POFUT3: variants seen among roughly 807,000 people sequenced by gnomAD.
The protein encoded by POFUT3 is GDP-fucose protein O-fucosyltransferase 3.
the POFUT3 span, among the ~76,000 whole-genome samples, chr8:33,374,877 T>TC: frequency 1.4e-5 from 2 of 139,872 alleles, no homozygotes; most frequent in African/African-American, 5.1e-5. Context: ...TCTTTTCTTT[T>TC]CTTTTTTTTT....
the POFUT3 span, among the ~76,000 whole-genome samples, chr8:33,320,794 AG>A: frequency 6.6e-6 from 1 of 152,106 alleles, no homozygotes; most frequent in African/African-American, 2.4e-5. Flanking sequence ...GAGTTACAAG[AG>A]GTAGAGTCAG....
the POFUT3 span, among the ~76,000 whole-genome samples, chr8:33,388,644 T>C: frequency 6.6e-6 from 1 of 152,130 alleles, no homozygotes; most frequent in Non-Finnish European, 1.5e-5. Context: ...GCAAGAACTC[T>C]TAATTTTTTA....
At chr8:33,388,671 C>T in the POFUT3 span, among the ~76,000 whole-genome samples, 1 of 152,024 alleles carries the variant, frequency 6.6e-6, no homozygotes, top group Non-Finnish European at 1.5e-5. Context: ...GGACTCTTCC[C>T]CTTTTCTGCA....
At chr8:33,338,725 G>T in the POFUT3 span, 1 of 152,014 alleles carries the variant, frequency 6.6e-6, no homozygotes, top group African/African-American at 2.4e-5. Flanking sequence ...TCCCTCCTCG[G>T]GTGTCATCAA....
At chr8:33,345,482 C>A in the POFUT3 span, among the ~76,000 whole-genome samples, 2 of 149,962 alleles carry the variant, frequency 1.3e-5, no homozygotes, top group African/African-American at 4.9e-5. Flanking sequence ...CTTATTGCAA[C>A]CTCCACCTCC....
At chr8:33,374,440 G>T in the POFUT3 span, among the ~76,000 whole-genome samples, 2 of 152,106 alleles carry the variant, frequency 1.3e-5, no homozygotes, top group African/African-American at 2.4e-5. Flanking sequence ...ATAAGAAAAA[G>T]CTTGAGCAAC....
chr8:33,336,039 A>G, the POFUT3 span, among the ~76,000 whole-genome samples: 33 of 152,336 alleles, frequency 2.2e-4, no homozygotes, highest in African/African-American at 6.7e-4. Context: ...TTCAAAGGTC[A>G]ACTGTCGTGT....
chr8:33,374,298 G>T, the POFUT3 span, among the ~76,000 whole-genome samples: 1 of 152,170 alleles, frequency 6.6e-6, no homozygotes, highest in Admixed American at 6.5e-5. Flanking sequence ...GATGCAATGA[G>T]AACACGTTTA....
the POFUT3 span, among the ~76,000 whole-genome samples, chr8:33,414,618 C>A: frequency 6.6e-6 from 1 of 152,006 alleles, no homozygotes. Flanking sequence ...GTCTGTTGTC[C>A]ATCATTCAAC....
the POFUT3 span, among the ~76,000 whole-genome samples, chr8:33,441,334 A>G: frequency 3.3e-5 from 5 of 151,372 alleles, no homozygotes; most frequent in South Asian, 1.0e-3. Flanking sequence ...CCATCTCAAA[A>G]AAAAAAAAAT....
chr8:33,439,017 A>G, the POFUT3 span, among the ~76,000 whole-genome samples: 4 of 152,228 alleles, frequency 2.6e-5, no homozygotes, highest in Non-Finnish European at 1.5e-5. Flanking sequence ...AATACATAGT[A>G]TCTATCTTCA....
At chr8:33,335,149 A>ATG in the POFUT3 span, among the ~76,000 whole-genome samples, 7 of 110,734 alleles carry the variant, frequency 6.3e-5, no homozygotes, top group East Asian at 1.1e-3. Context: ...AAAAAGAAAT[A>ATG]TATGTGTGTG....
At chr8:33,372,716 G>A in the POFUT3 span, 34 of 1,613,936 alleles carry the variant, frequency 2.1e-5, no homozygotes, top group Non-Finnish European at 2.8e-5. Context: ...GCTCAAAGGT[G>A]GAGTCCGGAG....
chr8:33,331,207 G>A, the POFUT3 span, among the ~76,000 whole-genome samples: 9 of 120,752 alleles, frequency 7.5e-5, no homozygotes, highest in South Asian at 6.7e-4. Flanking sequence ...CCGGGCGCGC[G>A]CCTGTAATCC....
the POFUT3 span, among the ~76,000 whole-genome samples, chr8:33,392,684 T>C: frequency 6.6e-6 from 1 of 151,798 alleles, no homozygotes; most frequent in Non-Finnish European, 1.5e-5. Flanking sequence ...ATACTGAAAT[T>C]AGAACCATGA....
At chr8:33,339,719 ACAGTTGATTTAT>A in the POFUT3 span, among the ~76,000 whole-genome samples, 9 of 152,170 alleles carry the variant, frequency 5.9e-5, no homozygotes, top group African/African-American at 2.2e-4. Context: ...AGTTCAAATG[ACAGTTGATTTAT>A]CATCAAAAAC....
chr8:33,369,734 G>A, the POFUT3 span, among the ~76,000 whole-genome samples: 2 of 152,172 alleles, frequency 1.3e-5, no homozygotes, highest in Non-Finnish European at 2.9e-5. Flanking sequence ...ATGTGTGGCT[G>A]AAGGAATGAT....
the POFUT3 span, among the ~76,000 whole-genome samples, chr8:33,383,879 A>G: frequency 1.3e-5 from 2 of 151,922 alleles, no homozygotes; most frequent in South Asian, 4.2e-4. Flanking sequence ...TCAATGCCCC[A>G]TAAGACCAAG....
chr8:33,392,274 G>T, the POFUT3 span, among the ~76,000 whole-genome samples: 1 of 152,126 alleles, frequency 6.6e-6, no homozygotes, highest in Non-Finnish European at 1.5e-5. Context: ...CTCTGGAGAA[G>T]ATTGAAAATA....
Sources: gnomAD v4.1 joint callset for allele counts (sites outside exome capture counted in the v4.1 genomes callset) on GRCh38, gnomAD v4.1.1 for gene constraint, MANE v1.5 for transcripts, NCBI Gene and HGNC (gene_info 2026-07-23, HGNC 2026-07-21) for gene names.